Variants in ZNF623 observed in about 807,000 individuals in gnomAD.
ZNF623 encodes zinc finger protein 623.
A neutral mutation model predicts 24.0 loss-of-function variants in ZNF623; 16 were observed. The observed-to-expected ratio is 0.67, with a 90% confidence interval of 0.45 to 1.01. The LOEUF (loss-of-function observed/expected upper bound fraction) is 1.01. ZNF623 is among the 50% of genes least tolerant of loss of function. The probability of loss-of-function intolerance (pLI) is 0.00; values close to 1 mark genes in which losing one functional copy is unlikely to be tolerated. For missense variants in ZNF623, 566 were observed against 606.5 expected (o/e 0.93, Z 0.70); for synonymous variants, 224 against 219.8 (o/e 1.02, Z -0.17).
chr8:143,651,152 G>C lies in ZNF623; in HGVS notation c.1160G>C (p.Gly387Ala). 2 of 1,614,106 alleles carry C rather than the reference G, an allele frequency of 1.2e-6. No individual in the cohort carries two copies. Among genetic ancestry groups the C allele is most frequent in the South Asian group, 1.1e-5 (1 of 91,080 alleles). ...HLTEHQKIHS[G>A]DRPFECKDCG... ...ACTGAGCACCAGAAGATCCACTCTG[G>C]GGACAGGCCCTTCGAATGTAAAGAC... The change falls in exon 2 of 2, where the codon GGG becomes GCG. Residue 387 changes from glycine to alanine, a missense_variant. Transcript: ENST00000526926.
chr8:143,648,569 G>A (rs1006330991), intron 1 of ZNF623, among the ~76,000 whole-genome samples: 17 of 152,020 alleles, frequency 1.1e-4, no homozygotes, highest in Non-Finnish European at 1.8e-4. Flanking sequence ...GGGAACTGGC[G>A]CACTTCTTCA....
rs1208160160 is a variant in ZNF623 at position 143,636,074 on chromosome 8, G to C, written c.-167G>C. The stretch of plus-strand genomic sequence containing the variant: ...GCAGGCTTTGTCGGCTGATCTGTGG[G>C]GCCCGCGCCGGCGGGGTCCAGTCAG... On this transcript the variant is annotated 5_prime_UTR_variant, in exon 1 of 2. Transcript: ENST00000526926. The C allele has an allele frequency of 6.6e-6, 1 of 152,304 alleles. No individual in the cohort carries two copies. The highest frequency in any genetic ancestry group is 2.4e-5 in the African/African-American group (1 of 41,464). 9.4% of individuals were successfully genotyped at this position (152,304 alleles called of 1,614,324 possible).
intron 1 of ZNF623, among the ~76,000 whole-genome samples, chr8:143,647,412 T>G (rs562474128): frequency 8.5e-5 from 13 of 152,344 alleles, no homozygotes; most frequent in African/African-American, 2.9e-4. Flanking sequence ...TCCGCCCGCC[T>G]CTGCCTCCCA....
rs138052020 is a variant in ZNF623 at position 143,651,153 on chromosome 8, G to T, written c.1161G>T (p.Gly387=). The change falls in exon 2 of 2, where the codon GGG becomes GGT. Residue 387 remains glycine, a synonymous_variant. Transcript: ENST00000526926. ...CTGAGCACCAGAAGATCCACTCTGG[G>T]GACAGGCCCTTCGAATGTAAAGACT... ...HLTEHQKIHS[G]DRPFECKDCG... is the part of the protein sequence containing the mutation. 2.5e-6 allele frequency: 4 copies of T among 1,613,954 alleles called. No individual in the cohort carries two copies. The Admixed American group carries it at 6.7e-5, about 27-fold the overall frequency.
At chr8:143,643,147 G>T (rs991180429) in intron 1 of ZNF623, among the ~76,000 whole-genome samples, 1 of 152,186 alleles carries the variant, frequency 6.6e-6, no homozygotes, top group African/African-American at 2.4e-5. Flanking sequence ...TGGCCCCTAG[G>T]GGCGGCTCCT....
chr8:143,653,193 C>T lies in ZNF623; in HGVS notation c.*1710C>T, dbSNP rs746307260. 2 of 167,054 alleles carry T rather than the reference C, an allele frequency of 1.2e-5. No individual in the cohort carries two copies. The highest frequency in any genetic ancestry group is 1.5e-5 in the Non-Finnish European group (1 of 68,108). 10.3% of individuals were successfully genotyped at this position (167,054 alleles called of 1,614,324 possible). A position where few individuals can be genotyped will look rare whatever the true frequency, so the allele number is the denominator to read the frequency against. On this transcript the variant is annotated 3_prime_UTR_variant, in exon 2 of 2. Coordinates refer to ENST00000526926, the MANE Select transcript of ZNF623 (RefSeq NM_001261843.2). ...GTAAATGGACAGTGGACAGCCGCCT[C>T]GCCAAACTGTTAGTCTTTACCTCTG...
rs1238739885 is a variant in ZNF623, at chr8:143,650,629, C to T, written c.637C>T (p.His213Tyr). 1 of 1,613,904 alleles carries T rather than the reference C, an allele frequency of 6.2e-7. No individual in the cohort carries two copies. Among genetic ancestry groups the T allele is most frequent in the Non-Finnish European group, 8.5e-7 (1 of 1,180,034 alleles). ...CAGTCAGAGCTCCTTACTTATTCGC[C>T]ATCAGAGGATTCACACGGGAGAAAG... ...GFSQSSLLIR[H>Y]QRIHTGERPY... is the part of the protein sequence containing the mutation. The change falls in exon 2 of 2, where the codon CAT becomes TAT. Residue 213 changes from histidine to tyrosine, a missense_variant. Physicochemically the swap from His to Tyr is moderately conservative, Grantham distance 83 (BLOSUM62 2). This residue lies in a region of ZNF623 where 313 missense variants were observed against 300.4 expected (regional missense o/e 1.04). Coordinates refer to ENST00000526926, the MANE Select transcript of ZNF623 (RefSeq NM_001261843.2). This position sits in a 1 kb window ranked among gnomAD's most constrained non-coding sequence, Gnocchi z 5.2.
At position 143,651,541 on chromosome 8, in the gene ZNF623, T is replaced by A; in HGVS notation, c.*58T>A. 1 of 1,519,458 alleles carries A rather than the reference T, an allele frequency of 6.6e-7. No individual in the cohort carries two copies. Among genetic ancestry groups the A allele is most frequent in the South Asian group, 1.3e-5 (1 of 74,634 alleles). 94.1% of individuals were successfully genotyped at this position (1,519,458 alleles called of 1,614,324 possible). On this transcript the variant is annotated 3_prime_UTR_variant, in exon 2 of 2. Transcript: ENST00000526926. The stretch of plus-strand genomic sequence containing the variant: ...TGGAAATGCGTGGAATTAGGATTCA[T>A]GTGGTTTCTAAGATTTGGACATGTC...
At position 143,645,367 on chromosome 8, in the gene ZNF623, G is replaced by A. The variant is rs1341412345; in HGVS notation, c.-95-4531G>A. Reference sequence around the variant, plus strand: ...GAATGGCGTGAACCCAGGAGGCAGAGCCTGCAGTGAGCTGAGATGGCGCCA... The same window carrying A: ...GAATGGCGTGAACCCAGGAGGCAGAACCTGCAGTGAGCTGAGATGGCGCCA... On this transcript the variant is annotated intron_variant, in intron 1 of 1. Coordinates refer to ENST00000526926, the MANE Select transcript of ZNF623 (RefSeq NM_001261843.2). 4.0e-5 allele frequency among the ~76,000 whole-genome samples: 6 copies of A among 151,368 alleles called. No individual in the cohort carries two copies. In the South Asian group the frequency reaches 6.3e-4, roughly 16 times the overall value.
chr8:143,640,218 T>C (rs1815019900), intron 1 of ZNF623, among the ~76,000 whole-genome samples: 1 of 152,264 alleles, frequency 6.6e-6, no homozygotes, highest in African/African-American at 2.4e-5. Context: ...AATAGCATTA[T>C]GTCTAAAAAT....
At position 143,651,219 on chromosome 8, in the gene ZNF623, C is replaced by T. The variant is rs1345419189; in HGVS notation, c.1227C>T (p.His409=). 6.2e-7 allele frequency: 1 copy of T among 1,614,118 alleles called. No individual in the cohort carries two copies. The highest frequency in any genetic ancestry group is 1.7e-5 in the Admixed American group (1 of 60,014). The part of the protein sequence containing the change: ...AFIQSSKLLL[H]QIIHTGEKPY... ...TCCAGAGCTCCAAGCTGCTTCTGCACCAGATTATTCACACTGGAGAAAAGC... is the reference window on the plus strand; with the variant it reads ...TCCAGAGCTCCAAGCTGCTTCTGCATCAGATTATTCACACTGGAGAAAAGC... The change falls in exon 2 of 2, where the codon CAC becomes CAT. Residue 409 remains histidine (H), a synonymous_variant. Transcript: ENST00000526926.
intron 1 of ZNF623, chr8:143,649,673 G>C: frequency 1.7e-6 from 1 of 589,942 alleles, no homozygotes. Flanking sequence ...CCACAGACCA[G>C]TCTGTCCTGG....
chr8:143,645,252 G>C (rs1052278425), intron 1 of ZNF623, among the ~76,000 whole-genome samples: 1 of 152,098 alleles, frequency 6.6e-6, no homozygotes, highest in Non-Finnish European at 1.5e-5. Flanking sequence ...GACCATCCTG[G>C]CTAACGGTGA....
In ZNF623 at chr8:143,646,567, G is replaced by GTGTGTGTGCA. The variant is rs759532267; in HGVS notation, c.-95-3329_-95-3328insTGTGTGCATG. 2.6e-3 allele frequency among the ~76,000 whole-genome samples: 395 copies of GTGTGTGTGCA among 152,046 alleles called. 2 individuals are homozygous for GTGTGTGTGCA. The highest frequency in any genetic ancestry group is 4.1e-3 in the South Asian group (20 of 4,824). On this transcript the variant is annotated intron_variant, in intron 1 of 1. Coordinates refer to ENST00000526926, the MANE Select transcript of ZNF623 (RefSeq NM_001261843.2). ...TGTGCGTGTGTGTGTGTGTGTGTGT[G>GTGTGTGTGCA]TGCATGCATGTATATATCACAATTC...
At position 143,645,093 on chromosome 8, in the gene ZNF623, A is replaced by C. The variant is rs373773506; in HGVS notation, c.-95-4805A>C. On this transcript the variant is annotated intron_variant, in intron 1 of 1. Transcript: ENST00000526926. The stretch of plus-strand genomic sequence containing the variant: ...TGATGAGCCGAGATCGTGCCATTGC[A>C]CTCCAGCCTGGGCAATAAGAGCAAA... Among the ~76,000 whole-genome samples the C allele has an allele frequency of 1.8e-4, 27 of 150,462 alleles. 1 individual carries two copies. The highest frequency in any genetic ancestry group is 6.6e-4 in the African/African-American group (27 of 40,728).
In ZNF623 at chr8:143,649,905, TGTA is replaced by T; in HGVS notation, c.-86_-84del. The T allele has an allele frequency of 6.2e-7, 1 of 1,607,734 alleles. No homozygotes were observed. Among genetic ancestry groups the T allele is most frequent in the Non-Finnish European group, 8.5e-7 (1 of 1,175,548 alleles). Reference sequence around the variant, plus strand: ...TGTTGTCTTTTGTTTCAGATTCTAATGTAGGAACTGGTGAGAAGAAGGTGACTG... The same window carrying T: ...TGTTGTCTTTTGTTTCAGATTCTAATGGAACTGGTGAGAAGAAGGTGACTG... On this transcript the variant is annotated 5_prime_UTR_variant, in exon 2 of 2. It removes the in-frame stop codon of an upstream open reading frame in the 5' UTR. Transcript: ENST00000526926.
rs1283551755 is a variant in ZNF623, at chr8:143,653,434, C to T, written c.*1951C>T. 2 of 167,024 alleles carry T rather than the reference C, an allele frequency of 1.2e-5. No individual in the cohort carries two copies. Among genetic ancestry groups the T allele is most frequent in the Admixed American group, 6.5e-5 (1 of 15,268 alleles). 10.3% of individuals were successfully genotyped at this position (167,024 alleles called of 1,614,324 possible). A position where few individuals can be genotyped will look rare whatever the true frequency, so the allele number is the denominator to read the frequency against. On this transcript the variant is annotated 3_prime_UTR_variant, in exon 2 of 2. Transcript: ENST00000526926. ...CATTTTAATCAACTTTATTGAGATT[C>T]AATTTTCATATAGTAAAACGCCTAT...
intron 1 of ZNF623, among the ~76,000 whole-genome samples, chr8:143,636,826 T>C (rs1277822834): frequency 6.6e-6 from 1 of 152,232 alleles, no homozygotes. Flanking sequence ...AGAATCCCAG[T>C]GGCGTTCTCT....
intron 1 of ZNF623, chr8:143,649,677 G>T (rs1815249596): frequency 3.3e-6 from 2 of 598,462 alleles, no homozygotes; most frequent in Non-Finnish European, 5.9e-6. Flanking sequence ...AGACCAGTCT[G>T]TCCTGGTGTT....
Sources: allele counts gnomAD v4.1 joint callset (sites outside exome capture counted in the v4.1 genomes callset), GRCh38; gene constraint gnomAD v4.1.1; regional missense constraint gnomAD v4.1.1; non-coding constraint Gnocchi (gnomAD v3.1); transcripts MANE v1.5; gene names NCBI Gene and HGNC (gene_info 2026-07-23, HGNC 2026-07-21).